The following ADAM10 variants were observed in gnomAD, a reference collection of about 807,000 sequenced individuals.
ADAM10 encodes the protein disintegrin and metalloproteinase domain-containing protein 10.
A neutral mutation model predicts 90.1 loss-of-function variants in ADAM10; 17 were observed. The observed-to-expected ratio is 0.19, with a 90% CI of 0.13 to 0.28. The LOEUF is 0.28. Ranked by LOEUF, ADAM10 falls within the 10% of genes least tolerant of loss-of-function variation. The pLI, the probability that ADAM10 is intolerant of heterozygous loss-of-function variation, is 1.00. For missense variants in ADAM10, 610 were observed against 914.3 expected (o/e 0.67, Z 4.29); for synonymous variants, 310 against 298.6 (o/e 1.04, Z -0.40).
intron 4 of ADAM10, among the ~76,000 whole-genome samples, chr15:58,670,908 G>GAT (rs1897176670): frequency 6.6e-6 from 1 of 152,082 alleles, no homozygotes; most frequent in South Asian, 2.1e-4. Flanking sequence ...AGAGATAAGA[G>GAT]ATATTAGCAC....
At chr15:58,734,170 T>C (rs1021612357) in intron 1 of ADAM10, among the ~76,000 whole-genome samples, 3 of 152,230 alleles carry the variant, frequency 2.0e-5, no homozygotes. Flanking sequence ...ATTACATCAA[T>C]TTCTTGTTTA....
chr15:58,748,609 A>T (rs1899870178), intron 1 of ADAM10: 1 of 256,534 alleles, frequency 3.9e-6, no homozygotes, highest in African/African-American at 2.2e-5. Flanking sequence ...CACTAACTAC[A>T]CTGTACATCT....
chr15:58,601,645 T>C (rs1377679853), intron 14 of ADAM10, among the ~76,000 whole-genome samples: 3 of 152,166 alleles, frequency 2.0e-5, no homozygotes, highest in Non-Finnish European at 2.9e-5. Flanking sequence ...GATACATTAC[T>C]AACATTTAAT....
At chr15:58,675,920 G>A (rs79916642) in intron 4 of ADAM10, among the ~76,000 whole-genome samples, 109 of 152,124 alleles carry the variant, frequency 7.2e-4, no homozygotes, top group Middle Eastern at 3.4e-3. Flanking sequence ...CATATACAAC[G>A]ATACCAAATC....
At chr15:58,639,946 T>C (rs190487638) in intron 8 of ADAM10, among the ~76,000 whole-genome samples, 7 of 152,110 alleles carry the variant, frequency 4.6e-5, no homozygotes, top group East Asian at 3.9e-4. Flanking sequence ...CTGTTGTATA[T>C]AGCTCAGAAG....
At position 58,592,708 on chromosome 15, in the gene ADAM10, T is replaced by C. The variant is rs1180492390; in HGVS notation, c.*4839A>G. The C allele has an allele frequency of 2.0e-5, 3 of 151,614 alleles. No homozygotes were observed. The highest frequency in any genetic ancestry group is 4.4e-5 in the Non-Finnish European group (3 of 67,894). 9.4% of individuals were successfully genotyped at this position (151,614 alleles called of 1,614,324 possible). On this transcript the variant is annotated 3_prime_UTR_variant, in exon 16 of 16. Coordinates refer to ENST00000260408, the MANE Select transcript of ADAM10 (RefSeq NM_001110.4). ...TCTATTATTGTTTCTAATACATTCA[T>C]GTGGCTGCATATATGTGGATTTCTA...
chr15:58,688,025 T>C (rs1464800880), intron 2 of ADAM10, among the ~76,000 whole-genome samples: 1 of 152,162 alleles, frequency 6.6e-6, no homozygotes, highest in African/African-American at 2.4e-5. Context: ...CACAGAATTA[T>C]GCACAGGCAC....
intron 3 of ADAM10, among the ~76,000 whole-genome samples, chr15:58,680,934 C>T (rs1897416499): frequency 6.6e-6 from 1 of 152,172 alleles, no homozygotes; most frequent in Non-Finnish European, 1.5e-5. Flanking sequence ...CCTCCCACGT[C>T]AGCCTCCCAT....
At position 58,591,218 on chromosome 15, in the gene ADAM10, C is replaced by T. The variant is rs184968778; in HGVS notation, c.*6329G>A. ...GCTAAGATTGCTGGATGACTGATAG[C>T]TTCAAGAGTTCACCCTAGCAGTTGA... On this transcript the variant is annotated 3_prime_UTR_variant, in exon 16 of 16. Coordinates refer to ENST00000260408, the MANE Select transcript of ADAM10 (RefSeq NM_001110.4). The T allele has an allele frequency of 6.6e-6, 1 of 152,260 alleles. No homozygotes were observed. Among genetic ancestry groups the T allele is most frequent in the Admixed American group, 6.5e-5 (1 of 15,298 alleles). 9.4% of individuals were successfully genotyped at this position (152,260 alleles called of 1,614,324 possible). A position where few individuals can be genotyped will look rare whatever the true frequency, so the allele number is the denominator to read the frequency against.
intron 10 of ADAM10, among the ~76,000 whole-genome samples, chr15:58,624,544 T>C (rs577906598): frequency 1.3e-5 from 2 of 152,306 alleles, no homozygotes; most frequent in East Asian, 3.9e-4. Flanking sequence ...GTTTGTTTGT[T>C]TGTCTGAGAC....
Position 58,665,103 on chromosome 15 carries a change from T to C in ADAM10, c.579A>G (p.Val193=), listed in dbSNP as rs746598768. 3.7e-6 allele frequency: 6 copies of C among 1,608,210 alleles called. No individual in the cohort carries two copies. The South Asian group carries it at 4.4e-5, about 12-fold the overall frequency. ...CTAGTGTTAAAATCCTTACCTGTGT[T>C]ACTTCCTCTACACCAGTCATCTGGT... is the stretch of plus-strand genomic sequence containing the variant. ...RKYQMTGVEE[V]TQIPQEEHAA... is the part of the protein sequence containing the mutation. Residue 193 remains valine, a synonymous_variant, in exon 5 of 16, where the codon GTA becomes GTG. Transcript: ENST00000260408.
chr15:58,643,862 T>G, intron 7 of ADAM10, 24 bp downstream of exon 7: 2 of 1,546,958 alleles, frequency 1.3e-6, no homozygotes, highest in Non-Finnish European at 1.8e-6. Context: ...TTTTTAAGTG[T>G]TTTTAACTAT....
chr15:58,636,936 A>G (rs1896271066), intron 8 of ADAM10, among the ~76,000 whole-genome samples: 1 of 152,232 alleles, frequency 6.6e-6, no homozygotes, highest in Admixed American at 6.5e-5. Flanking sequence ...TTGGCTTTCA[A>G]GTCTGGAGAG....
chr15:58,595,995 A>G lies in ADAM10; in HGVS notation c.*1552T>C, dbSNP rs1347997586. On this transcript the variant is annotated 3_prime_UTR_variant, in exon 16 of 16. Coordinates refer to ENST00000260408, the MANE Select transcript of ADAM10 (RefSeq NM_001110.4). The stretch of plus-strand genomic sequence containing the variant: ...AAGTCACCACATACTGTACAAGTTT[A>G]CAAGGAAGAGATCCCGTTATTTTCT... 1 of 152,112 alleles carries G rather than the reference A, an allele frequency of 6.6e-6. No individual in the cohort carries two copies. Among genetic ancestry groups the G allele is most frequent in the East Asian group, 1.9e-4 (1 of 5,202 alleles). The allele number at this position is 152,112 out of a possible 1,614,324, so 9.4% of individuals were successfully genotyped here.
intron 1 of ADAM10, among the ~76,000 whole-genome samples, chr15:58,740,698 C>A (rs1234140404): frequency 1.3e-5 from 2 of 152,108 alleles, no homozygotes; most frequent in African/African-American, 4.8e-5. Context: ...AGCCACCACA[C>A]CCAGCCATTA....
chr15:58,708,640 T>C (rs1348118703), intron 2 of ADAM10, among the ~76,000 whole-genome samples: 2 of 152,154 alleles, frequency 1.3e-5, no homozygotes, highest in African/African-American at 2.4e-5. Context: ...ATTCATTCCA[T>C]CCTAAATAAA....
intron 2 of ADAM10, among the ~76,000 whole-genome samples, chr15:58,717,154 G>A (rs913255589): frequency 2.2e-5 from 3 of 139,348 alleles, no homozygotes; most frequent in African/African-American, 7.7e-5. Flanking sequence ...CAAAACAGCA[G>A]GTAATCTGTC....
At chr15:58,610,572 G>T in intron 13 of ADAM10, 55 bp from the exon 14 acceptor site, 1 of 1,531,730 alleles carries the variant, frequency 6.5e-7, no homozygotes, top group South Asian at 1.1e-5. Flanking sequence ...ATAAGTTGAA[G>T]ATCAGATTTC....
In ADAM10 at chr15:58,629,634, A is replaced by G. The variant is rs568276383; in HGVS notation, c.1177-1751T>C. 3.3e-5 allele frequency among the ~76,000 whole-genome samples: 5 copies of G among 152,360 alleles called. No homozygotes were observed. In the South Asian group the frequency reaches 8.3e-4, roughly 25 times the overall value. ...TCTAACTATAAGAAAGAAAATTAAG[A>G]AAACAAAAATGCATAAATAAAAATT... On this transcript the variant is annotated intron_variant, in intron 9 of 15. Transcript: ENST00000260408.
Sources: gnomAD v4.1 joint callset for allele counts (sites outside exome capture counted in the v4.1 genomes callset) on GRCh38, gnomAD v4.1.1 for gene constraint, MANE v1.5 for transcripts, NCBI Gene and HGNC (gene_info 2026-07-23, HGNC 2026-07-21) for gene names.